LAMA1: variants seen among roughly 807,000 people sequenced by gnomAD.
LAMA1 encodes the protein laminin subunit alpha 1.
Under a neutral mutation model 348.7 loss-of-function variants are expected in LAMA1, and 219 were observed. The ratio of observed to expected loss-of-function variants is 0.63; its 90% CI spans 0.56 to 0.70. The LOEUF is 0.70. Ranked by LOEUF, LAMA1 falls within the 30% of genes least tolerant of loss-of-function variation. The probability of loss-of-function intolerance (pLI) is 0.00; values close to 1 mark genes in which losing one functional copy is unlikely to be tolerated. For missense variants in LAMA1, 3,744 were observed against 3,888.0 expected, an observed-to-expected ratio of 0.96 and a Z score of 0.99; for synonymous variants, 1,487 against 1,491.0, an observed-to-expected ratio of 1.00 and a Z score of 0.06.
chr18:7,099,895 A>G (rs907424535), intron 1 of LAMA1, among the ~76,000 whole-genome samples: 2 of 151,478 alleles, frequency 1.3e-5, no homozygotes, highest in Non-Finnish European at 2.9e-5. Context: ...CGTCTCTACT[A>G]AAAAATACAA....
At position 6,985,541 on chromosome 18, in the gene LAMA1, G is replaced by C. The variant is rs754581975; in HGVS notation, c.5482C>G (p.Gln1828Glu). 4 of 1,613,896 alleles carry C rather than the reference G, an allele frequency of 2.5e-6. No individual in the cohort carries two copies. The Admixed American group carries it at 6.7e-5, about 27-fold the overall frequency. ...ATGTAATTTACCTCTAGAGCATCTT[G>C]TACAGCATCTGTTTGTGCAGCAGCA... ...DAAAAQTDAVQDALEHLEDHQ... is the reference protein window; with the variant it reads ...DAAAAQTDAVEDALEHLEDHQ... The change falls in exon 38 of 63, where the codon CAA becomes GAA. Residue 1828 changes from glutamine (Q) to glutamate (E), a missense_variant. By Grantham distance (29) the Gln-to-Glu change is conservative. Around this residue, in one of 3 missense-constraint regions of LAMA1, gnomAD observed 1,983 missense variants for 1,934.3 expected, o/e 1.03. Coordinates refer to ENST00000389658, the MANE Select transcript of LAMA1 (RefSeq NM_005559.4).
intron 1 of LAMA1, among the ~76,000 whole-genome samples, chr18:7,111,593 T>C (rs2058336169): frequency 6.6e-6 from 1 of 152,198 alleles, no homozygotes; most frequent in African/African-American, 2.4e-5. Flanking sequence ...GACAGACGTG[T>C]TCCAACAGAA....
At chr18:6,947,387 G>T in intron 60 of LAMA1, 91 bp from the exon 61 acceptor site, 1 of 1,497,132 alleles carries the variant, frequency 6.7e-7, no homozygotes, top group Non-Finnish European at 9.2e-7. Flanking sequence ...GGGGGACCTG[G>T]CTCTAGCTCC....
At chr18:7,050,553 A>G in intron 4 of LAMA1, 141 bp downstream of exon 4, 1 of 1,128,870 alleles carries the variant, frequency 8.9e-7, no homozygotes, top group Non-Finnish European at 1.3e-6. Flanking sequence ...ATTACTTATA[A>G]TAGACATGAC....
chr18:6,994,749 C>T (rs2057773781), intron 34 of LAMA1, among the ~76,000 whole-genome samples: 1 of 151,928 alleles, frequency 6.6e-6, no homozygotes, highest in South Asian at 2.1e-4. Context: ...AATCCTTCCT[C>T]ACCATCTGCA....
chr18:7,103,976 TTTTG>T (rs926634797), intron 1 of LAMA1, among the ~76,000 whole-genome samples: 1 of 152,008 alleles, frequency 6.6e-6, no homozygotes, highest in Non-Finnish European at 1.5e-5. Flanking sequence ...TACCCATTAT[TTTTG>T]TTTGTTTGTT....
At chr18:7,073,253 T>C (rs1308178167) in intron 3 of LAMA1, among the ~76,000 whole-genome samples, 1 of 152,202 alleles carries the variant, frequency 6.6e-6, no homozygotes, top group East Asian at 1.9e-4. Context: ...TTTTAAGTTG[T>C]AGAAAAATAT....
At chr18:7,103,362 T>G (rs529366383) in intron 1 of LAMA1, among the ~76,000 whole-genome samples, 1 of 151,146 alleles carries the variant, frequency 6.6e-6, no homozygotes, top group Non-Finnish European at 1.5e-5. Context: ...CTGAGATCGC[T>G]CCACTGCACT....
At chr18:7,042,338 C>T (rs2058024135) in intron 8 of LAMA1, 88 bp from the exon 9 acceptor site, 2 of 793,136 alleles carry the variant, frequency 2.5e-6, no homozygotes, top group Non-Finnish European at 4.4e-6. Flanking sequence ...TGGCTTTTTA[C>T]TCAAGATGGG....
Position 7,046,300 on chromosome 18 carries a change from C to T in LAMA1, c.836G>A (p.Cys279Tyr). Residue 279 changes from cysteine to tyrosine, a missense_variant, in exon 6 of 63, where the codon TGC (cysteine) becomes TAC (tyrosine). By Grantham distance (194) the Cys-to-Tyr change is radical. Coordinates refer to ENST00000389658, the MANE Select transcript of LAMA1 (RefSeq NM_005559.4). ...CACCTTTGTAGTTTCATCCCATGGG[C>T]AGCTACTAGCATGGCCATAGCAGAT... Reference protein sequence around the residue: ...MCICYGHASSCPWDETTKKLQ... With the variant: ...MCICYGHASSYPWDETTKKLQ... 1 of 1,610,914 alleles carries T rather than the reference C, an allele frequency of 6.2e-7. No homozygotes were observed.
intron 29 of LAMA1, among the ~76,000 whole-genome samples, chr18:7,006,153 T>A (rs867595136): frequency 3.0e-4 from 46 of 152,206 alleles, no homozygotes; most frequent in Admixed American, 2.2e-3. Flanking sequence ...TATCACATTA[T>A]TTTGTTATCT....
Position 7,034,544 on chromosome 18 carries a change from GA to G in LAMA1, c.1985del (p.Val662AlafsTer5). ...RQIDRDQLMT[V>X]LANVTHLLIR... ...TCAAAAGATGTGTCACATTGGCAAG[GA>G]CAGTCATCAGCTGGTCACGATCAAT... On this transcript the variant is annotated frameshift_variant, in exon 14 of 63. Coordinates refer to ENST00000389658, the MANE Select transcript of LAMA1 (RefSeq NM_005559.4). LOFTEE classifies it high-confidence loss of function. 1 of 1,614,094 alleles carries G rather than the reference GA, an allele frequency of 6.2e-7. No homozygotes were observed. The highest frequency in any genetic ancestry group is 8.5e-7 in the Non-Finnish European group (1 of 1,180,026).
chr18:7,079,916 T>C, intron 3 of LAMA1, 59 bp downstream of exon 3: 3 of 1,221,888 alleles, frequency 2.5e-6, no homozygotes, highest in Middle Eastern at 3.8e-4. Flanking sequence ...CCAAAGGTCA[T>C]CAGAAGACCA....
chr18:6,975,111 T>A lies in LAMA1; in HGVS notation c.6490-75A>T, dbSNP rs113060311. ...CTGACCACCACAACACTTTACAGAG[T>A]CAATTCTTACGGGGTTTTCTCTTTT... On this transcript the variant is annotated intron_variant, in intron 45 of 62. Transcript: ENST00000389658. 107 of 1,509,520 alleles carry A rather than the reference T, an allele frequency of 7.1e-5. No homozygotes were observed. In the African/African-American group the frequency reaches 1.2e-3, roughly 18 times the overall value. 93.5% of individuals were successfully genotyped at this position (1,509,520 alleles called of 1,614,324 possible). A position where few individuals can be genotyped will look rare whatever the true frequency, so the allele number is the denominator to read the frequency against.
intron 46 of LAMA1, 114 bp from the exon 47 acceptor site, chr18:6,973,321 A>AC: frequency 3.2e-6 from 3 of 929,664 alleles, no homozygotes; most frequent in Non-Finnish European, 3.4e-6. Context: ...CTGCAACAGC[A>AC]CCCCCCTGCT....
Position 7,023,293 on chromosome 18 carries a change from A to G in LAMA1, c.2572T>C (p.Ser858Pro). The G allele has an allele frequency of 6.2e-7, 1 of 1,614,114 alleles. No individual in the cohort carries two copies. Among genetic ancestry groups the G allele is most frequent in the East Asian group, 2.2e-5 (1 of 44,862 alleles). ...ACTGAGTCACAGTGACCAGCCTCCG[A>G]GGGGTCCACGTTGCCGCTGCAGTCA... is the stretch of plus-strand genomic sequence containing the variant. Reference protein sequence around the residue: ...PCDCSGNVDPSEAGHCDSVTG... With the variant: ...PCDCSGNVDPPEAGHCDSVTG... Residue 858 changes from serine to proline, a missense_variant, in exon 19 of 63, where the codon TCG becomes CCG. Ser to Pro is a moderately conservative substitution (Grantham distance 74). Coordinates refer to ENST00000389658, the MANE Select transcript of LAMA1 (RefSeq NM_005559.4).
intron 1 of LAMA1, among the ~76,000 whole-genome samples, chr18:7,110,788 G>A (rs2058332364): frequency 6.6e-6 from 1 of 151,994 alleles, no homozygotes; most frequent in Non-Finnish European, 1.5e-5. Context: ...GCCACTGCAC[G>A]CCAGCCTGGG....
rs561518392 is a variant in LAMA1 at position 7,007,210 on chromosome 18, C to T, written c.4189G>A (p.Val1397Ile). The T allele has an allele frequency of 6.2e-7, 1 of 1,614,128 alleles. No homozygotes were observed. The highest frequency in any genetic ancestry group is 1.7e-5 in the Admixed American group (1 of 60,020). ...CAACTGCAGGGAACACAAGGAGCAA[C>T]CAGAGGGCGTGGTCCCCTGTCACTC... ...AGSDRGPRPL[V>I]APCVPCSCNN... The change falls in exon 29 of 63, where the codon GTT becomes ATT. Residue 1397 changes from valine (V) to isoleucine (I), a missense_variant. This residue lies in a region of LAMA1 where 1,983 missense variants were observed against 1,934.3 expected (regional missense o/e 1.03). Transcript: ENST00000389658.
rs182954822 is a variant in LAMA1, at chr18:7,036,929, T to G, written c.1737+649A>C. 1.5e-3 allele frequency among the ~76,000 whole-genome samples: 228 copies of G among 152,170 alleles called. 1 individual carries two copies. The highest frequency in any genetic ancestry group is 5.2e-3 in the African/African-American group (214 of 41,512). On this transcript the variant is annotated intron_variant, in intron 12 of 62. Coordinates refer to ENST00000389658, the MANE Select transcript of LAMA1 (RefSeq NM_005559.4). ...GAGATGCATTCTCGGGAATAAATTT[T>G]CGTATCAATCAGAATCTGGAGAGAT...
Sources: gnomAD v4.1 joint callset for allele counts (sites outside exome capture counted in the v4.1 genomes callset) on GRCh38, gnomAD v4.1.1 for gene constraint, gnomAD v4.1.1 regional missense constraint, MANE v1.5 for transcripts, NCBI Gene and HGNC (gene_info 2026-07-23, HGNC 2026-07-21) for gene names.